Variants in LENG1 observed in about 807,000 individuals in gnomAD.
LENG1 encodes leukocyte receptor cluster member 1.
Under a neutral mutation model 28.8 loss-of-function variants are expected in LENG1, and 35 were observed. The ratio of observed to expected loss-of-function variants is 1.22; its 90% confidence interval spans 0.93 to 1.61. The LOEUF (loss-of-function observed/expected upper bound fraction) is 1.61. LENG1 is among the 40% of genes most tolerant of loss of function. The pLI, the probability that LENG1 is intolerant of heterozygous loss-of-function variation, is 0.00. For synonymous variants in LENG1, 170 were observed against 140.6 expected (o/e 1.21, Z -1.48); for missense variants, 404 against 348.9 (o/e 1.16, Z -1.26).
At position 54,155,525 on chromosome 19, in the gene LENG1, C is replaced by T. The variant is rs1272975817; in HGVS notation, c.*196G>A. On this transcript the variant is annotated 3_prime_UTR_variant, in exon 4 of 4. Transcript: ENST00000222224. ...CAAGCCACGGGGCATCCCCCTCTCC[C>T]AGGAAGCAGGGAGGGGGCCGGGAGG... 1 of 919,570 alleles carries T rather than the reference C, an allele frequency of 1.1e-6. No individual in the cohort carries two copies. The highest frequency in any genetic ancestry group is 1.7e-5 in the African/African-American group (1 of 59,946). The allele number at this position is 919,570 out of a possible 1,614,324, so 57.0% of individuals were successfully genotyped here. A position where few individuals can be genotyped will look rare whatever the true frequency, so the allele number is the denominator to read the frequency against.
intron 2 of LENG1, among the ~76,000 whole-genome samples, chr19:54,158,024 G>A (rs920422453): frequency 1.3e-5 from 2 of 152,174 alleles, no homozygotes; most frequent in African/African-American, 4.8e-5. Flanking sequence ...ATTTTTAAAA[G>A]CCCATCAGGT....
At chr19:54,157,303 A>C (rs184495466) in intron 2 of LENG1, among the ~76,000 whole-genome samples, 4 of 152,324 alleles carry the variant, frequency 2.6e-5, no homozygotes, top group Admixed American at 2.0e-4. Flanking sequence ...TGAAGGGATC[A>C]AGCAAAGCAG....
chr19:54,157,684 T>C (rs1359227019), intron 2 of LENG1, among the ~76,000 whole-genome samples: 1 of 151,228 alleles, frequency 6.6e-6, no homozygotes, highest in Non-Finnish European at 1.5e-5. Flanking sequence ...ATGTACCTTT[T>C]ACACTTGATC....
At chr19:54,159,044 C>T (rs1290072047) in intron 1 of LENG1, among the ~76,000 whole-genome samples, 1 of 152,220 alleles carries the variant, frequency 6.6e-6, no homozygotes, top group Non-Finnish European at 1.5e-5. Flanking sequence ...AAAGGGCTCG[C>T]CCGATGGCGT....
Position 54,156,758 on chromosome 19 carries a change from C to T in LENG1, c.575+5G>A. 6.2e-7 allele frequency: 1 copy of T among 1,607,080 alleles called. No homozygotes were observed. Among genetic ancestry groups the T allele is most frequent in the Non-Finnish European group, 8.5e-7 (1 of 1,175,656 alleles). ...CCCTGGTCTGCCGAGGTGGGGTCTTCTTACTCCTTGGGTCGCTGCTTCTCA... is the reference window on the plus strand; with the variant it reads ...CCCTGGTCTGCCGAGGTGGGGTCTTTTTACTCCTTGGGTCGCTGCTTCTCA... On this transcript the variant is annotated splice_donor_5th_base_variant and intron_variant, in intron 3 of 3. Coordinates refer to ENST00000222224, the MANE Select transcript of LENG1 (RefSeq NM_024316.3).
Position 54,158,272 on chromosome 19 carries a change from G to T in LENG1, c.312+10C>A. On this transcript the variant is annotated intron_variant, in intron 2 of 3. Coordinates refer to ENST00000222224, the MANE Select transcript of LENG1 (RefSeq NM_024316.3). ...TGGCCCCTCTGATGAAGTGGGTGAG[G>T]CCAGCTTACTTTCTCCTGTCGCTTT... 1 of 1,611,588 alleles carries T rather than the reference G, an allele frequency of 6.2e-7. No homozygotes were observed. Among genetic ancestry groups the T allele is most frequent in the South Asian group, 1.1e-5 (1 of 91,014 alleles).
In LENG1 at chr19:54,155,619, G is replaced by T; in HGVS notation, c.*102C>A. 1 of 1,259,764 alleles carries T rather than the reference G, an allele frequency of 7.9e-7. No homozygotes were observed. The highest frequency in any genetic ancestry group is 1.1e-6 in the Non-Finnish European group (1 of 911,978). 78.0% of individuals were successfully genotyped at this position (1,259,764 alleles called of 1,614,324 possible). Reference sequence around the variant, plus strand: ...CCCCCTCCTCCCCTCCCCAGTGAGGGACATTTTTTGGTAAACCTATTTTCA... The same window carrying T: ...CCCCCTCCTCCCCTCCCCAGTGAGGTACATTTTTTGGTAAACCTATTTTCA... On this transcript the variant is annotated 3_prime_UTR_variant, in exon 4 of 4. Transcript: ENST00000222224.
rs527779148 is a variant in LENG1 at position 54,155,950 on chromosome 19, G to C, written c.576-10C>G. 14 of 1,598,456 alleles carry C rather than the reference G, an allele frequency of 8.8e-6. No homozygotes were observed. In the South Asian group the frequency reaches 1.2e-4, roughly 14 times the overall value. ...GTCCAGGGATGGAGGCCTGTGGGGA[G>C]AGGAGTGAGGTCAGAAAGCTGGTAG... is the stretch of plus-strand genomic sequence containing the variant. On this transcript the variant is annotated splice_polypyrimidine_tract_variant and intron_variant, in intron 3 of 3. Coordinates refer to ENST00000222224, the MANE Select transcript of LENG1 (RefSeq NM_024316.3).
chr19:54,157,146 G>A (rs2075408717), intron 2 of LENG1, 121 bp from the exon 3 acceptor site: 1 of 732,602 alleles, frequency 1.4e-6, no homozygotes, highest in Non-Finnish European at 2.0e-6. Flanking sequence ...AGTTGGACCA[G>A]GTGCTGGGGA....
chr19:54,155,778 T>C lies in LENG1; in HGVS notation c.738A>G (p.Gln246=), dbSNP rs781323807. ...TDDRRRRYNS[Q]FNPQLARRPR... ...GGCGCCGGGCCAGCTGGGGGTTGAATTGGGAGTTGTACCGCCGCCGCCGGT... is the reference window on the plus strand; with the variant it reads ...GGCGCCGGGCCAGCTGGGGGTTGAACTGGGAGTTGTACCGCCGCCGCCGGT... The change falls in exon 4 of 4, where the codon CAA becomes CAG. Residue 246 remains glutamine (Q), a synonymous_variant. Coordinates refer to ENST00000222224, the MANE Select transcript of LENG1 (RefSeq NM_024316.3). 4.3e-6 allele frequency: 7 copies of C among 1,610,928 alleles called. No individual in the cohort carries two copies. Among genetic ancestry groups the C allele is most frequent in the Admixed American group, 1.7e-5 (1 of 59,804 alleles).
chr19:54,158,405 A>T lies in LENG1; in HGVS notation c.189T>A (p.Leu63=). 1 of 1,614,168 alleles carries T rather than the reference A, an allele frequency of 6.2e-7. No individual in the cohort carries two copies. Among genetic ancestry groups the T allele is most frequent in the Non-Finnish European group, 8.5e-7 (1 of 1,180,024 alleles). ...KARHQNSLPE[L]EAAEAGAPGS... is the part of the protein sequence containing the mutation. ...CTGGGGCTCCCGCCTCTGCTGCTTC[A>T]AGCTCAGGCAGTGAGTTCTGATGTC... The change falls in exon 2 of 4, where the codon CTT becomes CTA. Residue 63 remains leucine (L), a synonymous_variant. Transcript: ENST00000222224.
chr19:54,159,514 C>G, intron 1 of LENG1, 50 bp downstream of exon 1: 1 of 1,472,184 alleles, frequency 6.8e-7, no homozygotes, highest in South Asian at 1.3e-5. Flanking sequence ...CCAACCGCGG[C>G]GCCTGCGCGC....
chr19:54,155,211 A>T lies in LENG1; in HGVS notation c.*510T>A. On this transcript the variant is annotated 3_prime_UTR_variant, in exon 4 of 4. Coordinates refer to ENST00000222224, the MANE Select transcript of LENG1 (RefSeq NM_024316.3). ...GGGCAGCTGGCCCGGTGCCTGACAC[A>T]TCCACAGCCCTAAGAATTGTCCCCT... The T allele has an allele frequency of 6.7e-7, 1 of 1,498,264 alleles. No homozygotes were observed. The highest frequency in any genetic ancestry group is 9.0e-7 in the Non-Finnish European group (1 of 1,108,336). 92.8% of individuals were successfully genotyped at this position (1,498,264 alleles called of 1,614,324 possible).
At position 54,155,485 on chromosome 19, in the gene LENG1, A is replaced by T; in HGVS notation, c.*236T>A. The T allele has an allele frequency of 9.3e-7, 1 of 1,070,646 alleles. No homozygotes were observed. Among genetic ancestry groups the T allele is most frequent in the Non-Finnish European group, 1.4e-6 (1 of 740,550 alleles). 66.3% of individuals were successfully genotyped at this position (1,070,646 alleles called of 1,614,324 possible). A position where few individuals can be genotyped will look rare whatever the true frequency, so the allele number is the denominator to read the frequency against. On this transcript the variant is annotated 3_prime_UTR_variant, in exon 4 of 4. Transcript: ENST00000222224. ...CCAGGTGAGGGCCCTGCCCTGGAAG[A>T]CTGGAGGGAGGCCCCAAGCCACGGG...
At chr19:54,158,903 T>G (rs2075446461) in intron 1 of LENG1, among the ~76,000 whole-genome samples, 2 of 152,168 alleles carry the variant, frequency 1.3e-5, no homozygotes, top group Non-Finnish European at 2.9e-5. Flanking sequence ...TCTAAAAACC[T>G]AGACTACCTC....
intron 1 of LENG1, 49 bp downstream of exon 1, chr19:54,159,514 CG>C: frequency 6.8e-7 from 1 of 1,472,184 alleles, no homozygotes; most frequent in Non-Finnish European, 9.0e-7. Flanking sequence ...CCAACCGCGG[CG>C]CCTGCGCGCT....
chr19:54,159,474 G>A (rs1391091773), intron 1 of LENG1, 90 bp downstream of exon 1: 1 of 1,350,056 alleles, frequency 7.4e-7, no homozygotes, highest in Non-Finnish European at 9.8e-7. Context: ...GGGGCACATT[G>A]AGCCTGCGCA....
At position 54,158,379 on chromosome 19, in the gene LENG1, C is replaced by T. The variant is rs769292897; in HGVS notation, c.215G>A (p.Gly72Asp). 7 of 1,614,216 alleles carry T rather than the reference C, an allele frequency of 4.3e-6. No homozygotes were observed. The highest frequency in any genetic ancestry group is 8.5e-7 in the Non-Finnish European group (1 of 1,180,032). Residue 72 changes from glycine to aspartate, a missense_variant, in exon 2 of 4, where the codon GGT becomes GAT. Gly to Asp is a moderately conservative substitution (Grantham distance 94). Transcript: ENST00000222224. ...ELEAAEAGAP[G>D]SGPVDLFREL... ...CCGAAACAGGTCCACAGGGCCAGAA[C>T]CTGGGGCTCCCGCCTCTGCTGCTTC...
At chr19:54,158,202 G>T in intron 2 of LENG1, 80 bp downstream of exon 2, 1 of 1,309,706 alleles carries the variant, frequency 7.6e-7, no homozygotes, top group African/African-American at 1.5e-5. Context: ...TTTGACCTTG[G>T]TCACAACCAA....
Sources: gnomAD v4.1 joint callset for allele counts (sites outside exome capture counted in the v4.1 genomes callset) on GRCh38, gnomAD v4.1.1 for gene constraint, MANE v1.5 for transcripts, NCBI Gene and HGNC (gene_info 2026-07-23, HGNC 2026-07-21) for gene names.